PALM: variants seen among roughly 807,000 people sequenced by gnomAD.
PALM encodes the protein paralemmin.
In PALM, 18 loss-of-function variants were observed where a neutral mutation model predicts 30.7. The ratio of observed to expected loss-of-function variants is 0.59; its 90% CI spans 0.41 to 0.87. PALM has a LOEUF of 0.87. Among genes scored for constraint, PALM ranks in the 40% least tolerant of loss-of-function variants. PALM has a pLI of 0.00. For synonymous variants in PALM, 286 were observed against 242.8 expected (o/e 1.18, Z -1.66); for missense variants, 529 against 555.4 (o/e 0.95, Z 0.48).
chr19:726,078 C>G, intron 1 of PALM, 60 bp from the exon 2 acceptor site: 1 of 1,331,676 alleles, frequency 7.5e-7, no homozygotes, highest in Non-Finnish European at 1.1e-6. Flanking sequence ...GGATTTGAAC[C>G]GCGTCTGACG....
At chr19:726,931 G>A (rs1016800056) in intron 2 of PALM, 77 bp from the exon 3 acceptor site, 2 of 914,166 alleles carry the variant, frequency 2.2e-6, no homozygotes, top group South Asian at 1.4e-5. Flanking sequence ...ATCGGGCTGG[G>A]CAGAGCCTTG....
intron 1 of PALM, chr19:719,729 C>A: frequency 1.4e-6 from 1 of 698,932 alleles, no homozygotes; most frequent in Non-Finnish European, 1.8e-6. Flanking sequence ...CCCAGCCTCG[C>A]CGATCACACG....
rs764447503 is a variant in PALM, at chr19:736,056, C to T, written c.480C>T (p.Asp160=). 24 of 1,607,134 alleles carry T rather than the reference C, an allele frequency of 1.5e-5. No homozygotes were observed. The South Asian group carries it at 2.0e-4, about 13-fold the overall frequency. Residue 160 remains aspartate, a synonymous_variant, in exon 7 of 9, where the codon GAC becomes GAT. Transcript: ENST00000338448. ...CCAACACGCCCCTGAGGACGGTTGA[C>T]GGCTCCCCCATGATGAAGGCAGGTG... ...RVSNTPLRTV[D]GSPMMKAAMY...
rs373256462 is a variant in PALM, at chr19:746,502, G to C, written c.852G>C (p.Thr284=). 2.0e-5 allele frequency: 32 copies of C among 1,612,124 alleles called. No homozygotes were observed. The highest frequency in any genetic ancestry group is 2.7e-5 in the Non-Finnish European group (32 of 1,179,638). Residue 284 remains threonine, a synonymous_variant, in exon 9 of 9, where the codon ACG becomes ACC. Transcript: ENST00000338448. The surrounding 1 kb of genome is among the most constrained non-coding windows in gnomAD (Gnocchi z 7.1). The part of the protein sequence containing the change: ...TGVQAQPGEA[T]SGPPGIQPGQ... ...TGCAGGCACAGCCAGGCGAGGCCAC[G>C]TCCGGCCCGCCGGGGATCCAGCCCG...
At position 746,668 on chromosome 19, in the gene PALM, C is replaced by A. The variant is rs1304007186; in HGVS notation, c.1018C>A (p.Pro340Thr). 4 of 1,611,654 alleles carry A rather than the reference C, an allele frequency of 2.5e-6. No homozygotes were observed. Among genetic ancestry groups the A allele is most frequent in the East Asian group, 2.2e-5 (1 of 44,818 alleles). ...VIEDAAEPKE[P>T]APPNGSAAEP... Reference sequence around the variant, plus strand: ...CGAAGACGCGGCTGAGCCCAAGGAGCCTGCACCACCCAACGGCAGTGCTGC... The same window carrying A: ...CGAAGACGCGGCTGAGCCCAAGGAGACTGCACCACCCAACGGCAGTGCTGC... Residue 340 changes from proline (P) to threonine (T), a missense_variant, in exon 9 of 9, where the codon CCT (proline) becomes ACT (threonine). Physicochemically the swap from Pro to Thr is conservative, Grantham distance 38 (BLOSUM62 -1). Coordinates refer to ENST00000338448, the MANE Select transcript of PALM (RefSeq NM_002579.3). The surrounding 1 kb of genome is among the most constrained non-coding windows in gnomAD (Gnocchi z 7.1).
chr19:730,178 A>C (rs1402803199), intron 4 of PALM, among the ~76,000 whole-genome samples: 1 of 150,356 alleles, frequency 6.7e-6, no homozygotes, highest in Non-Finnish European at 1.5e-5. Context: ...GGGCTCCCAG[A>C]CACCTCCTGC....
At chr19:743,772 G>T (rs561103882) in intron 8 of PALM, among the ~76,000 whole-genome samples, 9 of 152,274 alleles carry the variant, frequency 5.9e-5, no homozygotes, top group Non-Finnish European at 1.2e-4. Flanking sequence ...CTGAAATCCG[G>T]TCCTTGGAGA....
intron 1 of PALM, chr19:722,455 C>G (rs2032522274): frequency 6.6e-6 from 1 of 152,270 alleles, no homozygotes; most frequent in African/African-American, 2.4e-5. Flanking sequence ...TCTCGAACTC[C>G]TGGGCTCAAG....
At chr19:715,806 C>A (rs1415608743) in intron 1 of PALM, among the ~76,000 whole-genome samples, 1 of 152,136 alleles carries the variant, frequency 6.6e-6, no homozygotes, top group Non-Finnish European at 1.5e-5. Flanking sequence ...CCAGAGGGGG[C>A]AGGACCCCAC....
chr19:713,075 TG>T (rs1188040227), intron 1 of PALM, among the ~76,000 whole-genome samples: 1 of 151,590 alleles, frequency 6.6e-6, no homozygotes, highest in Non-Finnish European at 1.5e-5. Context: ...GAGGCATGGG[TG>T]GGGGGTTTGC....
At chr19:734,015 T>G (rs984618379) in intron 5 of PALM, among the ~76,000 whole-genome samples, 158 bp from the exon 6 acceptor site, 27 of 152,172 alleles carry the variant, frequency 1.8e-4, no homozygotes, top group Non-Finnish European at 4.0e-4. Context: ...AGATGACCTC[T>G]GTGTTTCTGG....
At chr19:719,429 A>T in intron 1 of PALM, 2 of 985,384 alleles carry the variant, frequency 2.0e-6, no homozygotes, top group Non-Finnish European at 2.4e-6. Flanking sequence ...CACACGCCGT[A>T]AAAAGCATCG....
intron 1 of PALM, among the ~76,000 whole-genome samples, chr19:724,183 G>A (rs1483110326): frequency 6.6e-6 from 1 of 152,256 alleles, no homozygotes; most frequent in East Asian, 1.9e-4. Flanking sequence ...GTGAGCGTGT[G>A]GTGGGTGCCT....
chr19:720,751 A>G (rs1337556211), intron 1 of PALM, among the ~76,000 whole-genome samples: 1 of 152,084 alleles, frequency 6.6e-6, no homozygotes, highest in Non-Finnish European at 1.5e-5. Flanking sequence ...GGGCAGGGAC[A>G]GGCTGCCCCA....
In PALM at chr19:734,174, C is replaced by A; in HGVS notation, c.422C>A (p.Thr141Lys). 2.5e-6 allele frequency: 4 copies of A among 1,613,910 alleles called. No homozygotes were observed. The highest frequency in any genetic ancestry group is 3.4e-6 in the Non-Finnish European group (4 of 1,179,892). ...KTEVVMNSQQ[T>K]PVGTPKDKRV... is the part of the protein sequence containing the mutation. ...ACCCTTCTCTCTTCTTTCTTGCAGA[C>A]GCCGGTGGGCACGCCCAAAGGTAGG... Residue 141 changes from threonine to lysine, a missense_variant and splice_region_variant, in exon 6 of 9, where the codon ACG (threonine) becomes AAG (lysine). Physicochemically the swap from Thr to Lys is moderately conservative, Grantham distance 78. Coordinates refer to ENST00000338448, the MANE Select transcript of PALM (RefSeq NM_002579.3).
At chr19:719,441 G>A (rs2032381307) in intron 1 of PALM, 1 of 985,252 alleles carries the variant, frequency 1.0e-6, no homozygotes, top group African/African-American at 1.7e-5. Flanking sequence ...AAAGCATCGC[G>A]GGGACGGGAG....
intron 1 of PALM, among the ~76,000 whole-genome samples, chr19:716,872 C>A (rs182238379): frequency 6.6e-6 from 1 of 152,226 alleles, no homozygotes; most frequent in East Asian, 1.9e-4. Context: ...ACATTTCACA[C>A]GCTACACAGT....
At chr19:715,431 T>C (rs890300580) in intron 1 of PALM, among the ~76,000 whole-genome samples, 6 of 152,342 alleles carry the variant, frequency 3.9e-5, no homozygotes, top group Admixed American at 3.9e-4. Flanking sequence ...TGGAAAGCTA[T>C]GCAGCATCTT....
At chr19:745,246 A>C (rs1203946040) in intron 8 of PALM, among the ~76,000 whole-genome samples, 2 of 152,210 alleles carry the variant, frequency 1.3e-5, no homozygotes, top group African/African-American at 4.8e-5. Context: ...TGTAGAAGAG[A>C]AACAGGCCCC....
Sources: allele counts gnomAD v4.1 joint callset (sites outside exome capture counted in the v4.1 genomes callset), GRCh38; gene constraint gnomAD v4.1.1; non-coding constraint Gnocchi (gnomAD v3.1); transcripts MANE v1.5; gene names NCBI Gene and HGNC (gene_info 2026-07-23, HGNC 2026-07-21).